The following CSMD1 variants were observed in gnomAD, a reference collection of about 807,000 sequenced individuals.
The protein encoded by CSMD1 is CUB and sushi domain-containing protein 1.
In CSMD1, 213 loss-of-function variants were observed where a neutral mutation model predicts 417.5. The ratio of observed to expected loss-of-function variants is 0.51; its 90% CI spans 0.46 to 0.57. The LOEUF is 0.57. Among genes scored for constraint, CSMD1 ranks in the 20% least tolerant of loss-of-function variants. The pLI is 0.00. For synonymous variants in CSMD1, 2,862 were observed against 1,736.8 expected (o/e 1.65, Z -16.11); for missense variants, 6,923 against 4,529.7 (o/e 1.53, Z -15.17).
chr8:3,827,657 T>A (rs1447443233), intron 5 of CSMD1, among the ~76,000 whole-genome samples: 2 of 152,208 alleles, frequency 1.3e-5, no homozygotes, highest in African/African-American at 4.8e-5. Context: ...TAAAACATGA[T>A]TTTTGAAAGT....
chr8:4,709,826 T>C (rs531670798), intron 1 of CSMD1, among the ~76,000 whole-genome samples: 2 of 152,212 alleles, frequency 1.3e-5, no homozygotes, highest in East Asian at 3.9e-4. Context: ...CAGTGTCCAG[T>C]CGTCCCGCAG....
chr8:3,468,794 A>G lies in CSMD1; in HGVS notation c.1479T>C (p.Ile493=), dbSNP rs1307463032. 2.5e-6 allele frequency: 4 copies of G among 1,603,032 alleles called. No homozygotes were observed. Among genetic ancestry groups the G allele is most frequent in the Non-Finnish European group, 3.4e-6 (4 of 1,174,900 alleles). The change falls in exon 12 of 70, where the codon ATT becomes ATC. Residue 493 remains isoleucine, a synonymous_variant. Transcript: ENST00000635120. ...VLTGSSVPDL[I]VSMSNQMWLH... is the part of the protein sequence containing the mutation. ...GCCACATCTGGTTGCTCATGCTCAC[A>G]ATGAGGTCAGGAACACTGGATCCCG... is the stretch of plus-strand genomic sequence containing the variant.
chr8:4,117,318 A>G (rs5016258), intron 3 of CSMD1, among the ~76,000 whole-genome samples: 88,158 of 151,106 alleles, frequency 0.58, 25,833 homozygotes, highest in Middle Eastern at 0.64. Context: ...CTCCTTATAC[A>G]TCACCGTCTG....
intron 48 of CSMD1, among the ~76,000 whole-genome samples, chr8:3,090,227 G>C (rs530028327): frequency 1.4e-5 from 2 of 144,772 alleles, no homozygotes; most frequent in East Asian, 4.2e-4. Context: ...TGAGGCAGGA[G>C]AATGGCCTGA....
chr8:4,048,683 C>A (rs1429857016), intron 3 of CSMD1, among the ~76,000 whole-genome samples: 1 of 152,144 alleles, frequency 6.6e-6, no homozygotes, highest in African/African-American at 2.4e-5. Flanking sequence ...GTGATTGGAT[C>A]AATGTGCTTC....
chr8:3,874,980 G>A (rs1171127240), intron 5 of CSMD1, among the ~76,000 whole-genome samples: 1 of 152,066 alleles, frequency 6.6e-6, no homozygotes, highest in Admixed American at 6.6e-5. Flanking sequence ...AGCCAAGCAG[G>A]ATGGACGTCT....
chr8:3,374,351 T>C (rs137860382), intron 18 of CSMD1, among the ~76,000 whole-genome samples: 1 of 152,280 alleles, frequency 6.6e-6, no homozygotes, highest in East Asian at 1.9e-4. Context: ...TTAAGAAACA[T>C]ACTAATGTTT....
At chr8:3,337,211 A>T (rs1305608140) in intron 23 of CSMD1, among the ~76,000 whole-genome samples, 2 of 152,226 alleles carry the variant, frequency 1.3e-5, no homozygotes, top group Non-Finnish European at 2.9e-5. Flanking sequence ...CCGTCTCCTT[A>T]CTTATCTCAA....
chr8:4,253,701 A>T (rs1803241497), intron 3 of CSMD1, among the ~76,000 whole-genome samples: 1 of 152,102 alleles, frequency 6.6e-6, no homozygotes, highest in African/African-American at 2.4e-5. Flanking sequence ...AAAATTTGCC[A>T]ACTAAGTAAT....
intron 5 of CSMD1, among the ~76,000 whole-genome samples, chr8:3,862,590 A>T (rs1804791443): frequency 6.6e-6 from 1 of 152,216 alleles, no homozygotes; most frequent in African/African-American, 2.4e-5. Context: ...CTTAAGCTAG[A>T]ATTTGCTTAT....
At chr8:4,175,611 T>C (rs975967524) in intron 3 of CSMD1, among the ~76,000 whole-genome samples, 2 of 152,110 alleles carry the variant, frequency 1.3e-5, no homozygotes, top group Admixed American at 6.5e-5. Context: ...GATCACGCAA[T>C]TATCACAGCA....
At chr8:3,744,303 G>C (rs1311866820) in intron 6 of CSMD1, among the ~76,000 whole-genome samples, 1 of 152,140 alleles carries the variant, frequency 6.6e-6, no homozygotes, top group Non-Finnish European at 1.5e-5. Flanking sequence ...TGGGGACACA[G>C]CACGGAGAGC....
intron 5 of CSMD1, among the ~76,000 whole-genome samples, chr8:3,956,806 A>T (rs1418061334): frequency 6.6e-6 from 1 of 152,078 alleles, no homozygotes; most frequent in Non-Finnish European, 1.5e-5. Flanking sequence ...CTTGAAGGAC[A>T]CCCAGCCGTT....
intron 5 of CSMD1, among the ~76,000 whole-genome samples, chr8:3,880,470 C>T (rs1316497001): frequency 6.6e-6 from 1 of 152,150 alleles, no homozygotes; most frequent in Admixed American, 6.5e-5. Flanking sequence ...AGATATCTCG[C>T]TGCTTCACTT....
At chr8:4,661,959 G>T (rs1045788270) in intron 1 of CSMD1, among the ~76,000 whole-genome samples, 1 of 152,092 alleles carries the variant, frequency 6.6e-6, no homozygotes, top group Non-Finnish European at 1.5e-5. Flanking sequence ...CATAGTTACA[G>T]AGTTATTACA....
In CSMD1 at chr8:4,840,760, C is replaced by T. The variant is rs1222838890; in HGVS notation, c.85+153572G>A. Among the ~76,000 whole-genome samples the T allele has an allele frequency of 2.6e-5, 4 of 152,128 alleles. No homozygotes were observed. The South Asian group carries it at 8.3e-4, about 32-fold the overall frequency. The stretch of plus-strand genomic sequence containing the variant: ...CAGTTTCTCTTTGCCCACTAATAGA[C>T]AAAACTATTAAAATGTCCATGTCGT... On this transcript the variant is annotated intron_variant, in intron 1 of 69. Transcript: ENST00000635120.
intron 5 of CSMD1, among the ~76,000 whole-genome samples, chr8:3,926,088 C>CACACACACACACACAAACACCAT (rs1809671502): frequency 6.4e-5 from 2 of 31,234 alleles, no homozygotes; most frequent in African/African-American, 8.3e-4. Flanking sequence ...ACCATACACA[C>CACACACACACACACAAACACCAT]ACACACACAC....
intron 3 of CSMD1, among the ~76,000 whole-genome samples, chr8:4,375,906 C>G (rs936254548): frequency 6.6e-6 from 1 of 152,190 alleles, no homozygotes; most frequent in African/African-American, 2.4e-5. Context: ...CTTCAGGATA[C>G]GGCCACCACC....
Position 3,951,237 on chromosome 8 carries a change from G to A in CSMD1, c.818+46666C>T, listed in dbSNP as rs371093353. The stretch of plus-strand genomic sequence containing the variant: ...GTGGGGACTGCACAGGCGGGCACGG[G>A]TCTGACGGTGACTGAGGCCAGAGTG... On this transcript the variant is annotated intron_variant, in intron 5 of 69. Coordinates refer to ENST00000635120, the MANE Select transcript of CSMD1 (RefSeq NM_033225.6). 2.7e-4 allele frequency among the ~76,000 whole-genome samples: 41 copies of A among 152,308 alleles called. 1 individual carries two copies. The highest frequency in any genetic ancestry group is 2.1e-3 in the East Asian group (11 of 5,178).
Sources: gnomAD v4.1 joint callset for allele counts (sites outside exome capture counted in the v4.1 genomes callset) on GRCh38, gnomAD v4.1.1 for gene constraint, MANE v1.5 for transcripts, NCBI Gene and HGNC (gene_info 2026-07-23, HGNC 2026-07-21) for gene names.